Variants in BRCA2 observed in about 807,000 individuals in gnomAD.
BRCA2 encodes BRCA2 DNA repair associated, also known as breast cancer type 2 susceptibility protein.
Under a neutral mutation model 276.7 loss-of-function variants are expected in BRCA2, and 203 were observed. The ratio of observed to expected loss-of-function variants is 0.73; its 90% confidence interval spans 0.65 to 0.82. The LOEUF (loss-of-function observed/expected upper bound fraction) is 0.82, where lower values mean the gene tolerates loss of function less well. Among genes scored for constraint, BRCA2 ranks in the 40% least tolerant of loss-of-function variants. The probability of loss-of-function intolerance (pLI) is 0.00; values close to 1 mark genes in which losing one functional copy is unlikely to be tolerated. For synonymous variants in BRCA2, 1,289 were observed against 1,338.4 expected, an observed-to-expected ratio of 0.96 and a Z score of 0.81; for missense variants, 3,920 against 3,915.0, an observed-to-expected ratio of 1.00 and a Z score of -0.03.
chr13:32,352,881 A>G (rs142556891), intron 13 of BRCA2, among the ~76,000 whole-genome samples: 10 of 152,348 alleles, frequency 6.6e-5, no homozygotes, highest in Admixed American at 5.9e-4. Flanking sequence ...ATTTGGCCAG[A>G]TAGTGATAAG....
chr13:32,363,054 A>T, intron 17 of BRCA2, 125 bp from the exon 18 acceptor site: 1 of 858,586 alleles, frequency 1.2e-6, no homozygotes, highest in South Asian at 1.7e-5. Flanking sequence ...TAGCTACAAA[A>T]TTTTTAATTC....
intron 3 of BRCA2, among the ~76,000 whole-genome samples, chr13:32,321,391 A>G (rs1380086147): frequency 1.3e-5 from 2 of 152,220 alleles, no homozygotes; most frequent in East Asian, 1.9e-4. Context: ...GTGATATGTT[A>G]TAAGAGCATG....
chr13:32,328,155 A>G (rs2072363700), intron 7 of BRCA2, among the ~76,000 whole-genome samples: 1 of 152,218 alleles, frequency 6.6e-6, no homozygotes. Flanking sequence ...AAACAAATGC[A>G]TCACAGTTTA....
chr13:32,357,622 T>G (rs2072706622), intron 15 of BRCA2, 120 bp from the exon 16 acceptor site: 1 of 937,514 alleles, frequency 1.1e-6, no homozygotes, highest in African/African-American at 1.7e-5. Flanking sequence ...TAGTGAAGAT[T>G]CTAGTAGTTA....
At chr13:32,362,102 A>G (rs1177906750) in intron 16 of BRCA2, among the ~76,000 whole-genome samples, 1 of 152,144 alleles carries the variant, frequency 6.6e-6, no homozygotes, top group Non-Finnish European at 1.5e-5. Flanking sequence ...GGCTCACTGC[A>G]GCCTCAACCT....
Position 32,324,727 on chromosome 13 carries a change from A to G in BRCA2, c.317-349A>G, listed in dbSNP as rs11571607. Among the ~76,000 whole-genome samples the G allele has an allele frequency of 4.4e-3, 674 of 152,224 alleles. 28 individuals are homozygous for G. The highest frequency in any genetic ancestry group is 0.038 in the Admixed American group (587 of 15,290). On this transcript the variant is annotated intron_variant, in intron 3 of 26. Transcript: ENST00000380152. The stretch of plus-strand genomic sequence containing the variant: ...ATCATAGCTCAAGCTCCTGGGCTCA[A>G]GTGATCCTCCCGCCTCAGCCTCTCA...
chr13:32,368,124 A>G (rs1400528769), intron 18 of BRCA2, among the ~76,000 whole-genome samples: 1 of 138,778 alleles, frequency 7.2e-6, no homozygotes, highest in East Asian at 2.3e-4. Context: ...GATTCAAGCG[A>G]TTCTCCTGCC....
chr13:32,383,348 T>C (rs2072938237), intron 24 of BRCA2, among the ~76,000 whole-genome samples: 1 of 151,534 alleles, frequency 6.6e-6, no homozygotes, highest in Admixed American at 6.6e-5. Flanking sequence ...AGATTCCGTC[T>C]CAAAAAAGAA....
chr13:32,342,452 T>A (rs560468440), intron 11 of BRCA2, among the ~76,000 whole-genome samples: 3 of 152,328 alleles, frequency 2.0e-5, no homozygotes, highest in Admixed American at 2.0e-4. Flanking sequence ...TTAACTTCCC[T>A]TTTAAATGTA....
At chr13:32,373,751 T>C (rs1335028849) in intron 20 of BRCA2, among the ~76,000 whole-genome samples, 1 of 152,200 alleles carries the variant, frequency 6.6e-6, no homozygotes, top group African/African-American at 2.4e-5. Context: ...AGGCTGTCAG[T>C]GGGGGATGAT....
rs1555286809 is a variant in BRCA2 at position 32,362,513 on chromosome 13, A to T, written c.7806-10A>T. 3 of 1,612,500 alleles carry T rather than the reference A, an allele frequency of 1.9e-6. No individual in the cohort carries two copies. Among genetic ancestry groups the T allele is most frequent in the East Asian group, 4.5e-5 (2 of 44,852 alleles). The stretch of plus-strand genomic sequence containing the variant: ...GTTTTTATGATAATATTCTACTTTT[A>T]TTTGTTCAGGGCTCTGTGTGACACT... On this transcript the variant is annotated splice_polypyrimidine_tract_variant and intron_variant, in intron 16 of 26. Coordinates refer to ENST00000380152, the MANE Select transcript of BRCA2 (RefSeq NM_000059.4).
chr13:32,367,344 G>A (rs1317358879), intron 18 of BRCA2, among the ~76,000 whole-genome samples: 2 of 151,996 alleles, frequency 1.3e-5, no homozygotes, highest in Non-Finnish European at 2.9e-5. Context: ...GCTGAGGCAG[G>A]GAGAATTGCT....
chr13:32,319,406 CATTA>C (rs766026976), intron 3 of BRCA2, 81 bp downstream of exon 3: 26 of 1,380,618 alleles, frequency 1.9e-5, no homozygotes, highest in Non-Finnish European at 2.4e-5. Context: ...TTAGCTCATT[CATTA>C]ATTGTGTCAT....
At chr13:32,382,050 A>G (rs1378882333) in intron 24 of BRCA2, among the ~76,000 whole-genome samples, 2 of 152,216 alleles carry the variant, frequency 1.3e-5, no homozygotes, top group Non-Finnish European at 2.9e-5. Context: ...AGAAATGTCT[A>G]CTTGATGGTT....
At chr13:32,343,062 A>AG (rs200637122) in intron 11 of BRCA2, among the ~76,000 whole-genome samples, 1 of 150,426 alleles carries the variant, frequency 6.6e-6, no homozygotes, top group Non-Finnish European at 1.5e-5. Flanking sequence ...AAAAAAAAAA[A>AG]TCTTATGGGA....
chr13:32,389,176 T>C (rs555578001), intron 24 of BRCA2, among the ~76,000 whole-genome samples: 2 of 152,244 alleles, frequency 1.3e-5, no homozygotes, highest in Non-Finnish European at 2.9e-5. Context: ...AGAATTTTGC[T>C]TTCATTTTGA....
intron 24 of BRCA2, among the ~76,000 whole-genome samples, chr13:32,391,760 AG>A (rs1369053522): frequency 6.6e-6 from 1 of 152,224 alleles, no homozygotes; most frequent in African/African-American, 2.4e-5. Context: ...AGATTTACCT[AG>A]TGTAGGATTC....
Position 32,326,384 on chromosome 13 carries a change from T to C in BRCA2, c.516+102T>C, listed in dbSNP as rs56251699. Reference sequence around the variant, plus strand: ...ATTTACAAATCTGTACCTAGCATTCTGCCTCATACAGGCAATTCAGTAAAC... The same window carrying C: ...ATTTACAAATCTGTACCTAGCATTCCGCCTCATACAGGCAATTCAGTAAAC... On this transcript the variant is annotated intron_variant, in intron 6 of 26. Transcript: ENST00000380152. The C allele has an allele frequency of 6.2e-4, 911 of 1,469,076 alleles. 10 individuals carry two copies. The South Asian group carries it at 7.8e-3, about 13-fold the overall frequency. 91.0% of individuals were successfully genotyped at this position (1,469,076 alleles called of 1,614,324 possible). A position where few individuals can be genotyped will look rare whatever the true frequency, so the allele number is the denominator to read the frequency against.
intron 25 of BRCA2, chr13:32,395,960 C>CTTTCTTTTT (rs1312051282): frequency 6.3e-5 from 5 of 79,198 alleles, no homozygotes; most frequent in African/African-American, 3.6e-4. Context: ...TTCTTTCTTT[C>CTTTCTTTTT]TTTTTTTTTT....
Sources: allele counts gnomAD v4.1 joint callset (sites outside exome capture counted in the v4.1 genomes callset), GRCh38; gene constraint gnomAD v4.1.1; transcripts MANE v1.5; gene names NCBI Gene and HGNC (gene_info 2026-07-23, HGNC 2026-07-21).